LINGO2: variants seen among roughly 807,000 people sequenced by gnomAD.
LINGO2 encodes the protein leucine rich repeat and Ig domain containing 2, also known as leucine-rich repeat and immunoglobulin-like domain-containing nogo receptor-interacting protein 2.
A neutral mutation model predicts 30.6 loss-of-function variants in LINGO2; 14 were observed. The observed-to-expected ratio is 0.46, with a 90% confidence interval of 0.30 to 0.72. The LOEUF (loss-of-function observed/expected upper bound fraction) is 0.72, where lower values mean the gene tolerates loss of function less well. LINGO2 is among the 30% of genes least tolerant of loss of function. The pLI, the probability that LINGO2 is intolerant of heterozygous loss-of-function variation, is 0.07. For synonymous variants in LINGO2, 317 were observed against 288.5 expected, an observed-to-expected ratio of 1.10 and a Z score of -1.00; for missense variants, 729 against 751.7, an observed-to-expected ratio of 0.97 and a Z score of 0.35.
At chr9:28,785,685 C>A in the LINGO2 span, among the ~76,000 whole-genome samples, 2 of 60,950 alleles carry the variant, frequency 3.3e-5, no homozygotes, top group African/African-American at 9.7e-5. Context: ...CACACACACA[C>A]GCACACACAC....
intron 3 of LINGO2, among the ~76,000 whole-genome samples, chr9:28,345,446 A>AC (rs1461035414): frequency 6.6e-6 from 1 of 152,090 alleles, no homozygotes; most frequent in Non-Finnish European, 1.5e-5. Context: ...CGCCAGAATG[A>AC]CCTCTCAAAT....
At chr9:29,081,298 A>C in the LINGO2 span, among the ~76,000 whole-genome samples, 2 of 152,128 alleles carry the variant, frequency 1.3e-5, no homozygotes, top group African/African-American at 4.8e-5. Context: ...AATAAACGTA[A>C]TCCAGCATAT....
chr9:28,116,830 A>C (rs1175237234), intron 4 of LINGO2, among the ~76,000 whole-genome samples: 1 of 22,700 alleles, frequency 4.4e-5, no homozygotes, highest in Non-Finnish European at 1.0e-4. Flanking sequence ...TTTTTTTCAA[A>C]GTTTTCAACT....
chr9:28,689,780 T>C, the LINGO2 span, among the ~76,000 whole-genome samples: 1 of 152,122 alleles, frequency 6.6e-6, no homozygotes, highest in East Asian at 1.9e-4. Flanking sequence ...ATACACTGCA[T>C]ACACTGCATA....
chr9:28,502,157 C>CACACAT (rs1819917011), intron 1 of LINGO2, among the ~76,000 whole-genome samples: 1 of 149,716 alleles, frequency 6.7e-6, no homozygotes, highest in Non-Finnish European at 1.5e-5. Context: ...CACACACACA[C>CACACAT]ACACATACAC....
At chr9:29,205,808 T>G in the LINGO2 span, among the ~76,000 whole-genome samples, 2 of 152,234 alleles carry the variant, frequency 1.3e-5, no homozygotes, top group Non-Finnish European at 2.9e-5. Flanking sequence ...AATTTACAGA[T>G]TTGTGCAACC....
At chr9:28,202,410 C>CA (rs1325289453) in intron 4 of LINGO2, among the ~76,000 whole-genome samples, 2 of 151,988 alleles carry the variant, frequency 1.3e-5, no homozygotes, top group African/African-American at 2.4e-5. Context: ...CTTTGAAAAC[C>CA]ACTGAAAAGA....
intron 4 of LINGO2, among the ~76,000 whole-genome samples, chr9:28,199,195 T>TC (rs1820126114): frequency 6.6e-6 from 1 of 152,184 alleles, no homozygotes; most frequent in Non-Finnish European, 1.5e-5. Context: ...TCCCATTGCC[T>TC]CCTTAGCACA....
At chr9:28,224,259 T>C (rs1821069675) in intron 4 of LINGO2, among the ~76,000 whole-genome samples, 1 of 152,028 alleles carries the variant, frequency 6.6e-6, no homozygotes, top group Admixed American at 6.5e-5. Flanking sequence ...AGAGACGGGG[T>C]TTCACCGTGT....
At chr9:28,059,187 A>C (rs1330901354) in intron 4 of LINGO2, among the ~76,000 whole-genome samples, 1 of 152,178 alleles carries the variant, frequency 6.6e-6, no homozygotes, top group East Asian at 1.9e-4. Context: ...CCATTATCTC[A>C]AATAGCAGAA....
At chr9:28,106,673 AG>A (rs1826603736) in intron 4 of LINGO2, among the ~76,000 whole-genome samples, 1 of 152,082 alleles carries the variant, frequency 6.6e-6, no homozygotes, top group African/African-American at 2.4e-5. Flanking sequence ...TTTCTTGCCC[AG>A]AAGTACCACA....
the LINGO2 span, among the ~76,000 whole-genome samples, chr9:28,721,248 T>A: frequency 6.6e-6 from 1 of 152,156 alleles, no homozygotes; most frequent in African/African-American, 2.4e-5. Flanking sequence ...GAAGACAGTG[T>A]GGCAATTCCT....
chr9:29,192,741 T>A, the LINGO2 span, among the ~76,000 whole-genome samples: 1 of 152,160 alleles, frequency 6.6e-6, no homozygotes, highest in Non-Finnish European at 1.5e-5. Flanking sequence ...CAGGCCTCCT[T>A]TTATAAAAAC....
the LINGO2 span, among the ~76,000 whole-genome samples, chr9:29,051,598 T>C: frequency 6.6e-6 from 1 of 152,192 alleles, no homozygotes; most frequent in Non-Finnish European, 1.5e-5. Context: ...TGGGACATCA[T>C]TAATCTCATA....
the LINGO2 span, among the ~76,000 whole-genome samples, chr9:28,921,362 G>C: frequency 6.6e-6 from 1 of 151,750 alleles, no homozygotes; most frequent in African/African-American, 2.4e-5. Context: ...CCCCACCCCA[G>C]AGGCAATAAT....
At chr9:28,924,243 CAG>C in the LINGO2 span, among the ~76,000 whole-genome samples, 1 of 152,044 alleles carries the variant, frequency 6.6e-6, no homozygotes, top group Non-Finnish European at 1.5e-5. Context: ...TTCTTTGAGA[CAG>C]AGTCTCACTC....
the LINGO2 span, among the ~76,000 whole-genome samples, chr9:28,783,550 T>C: frequency 8.9e-3 from 1,356 of 152,234 alleles, 15 homozygotes; most frequent in African/African-American, 0.031. Context: ...AGCAGACAAT[T>C]GCTAAAAATA....
Position 28,033,596 on chromosome 9 carries a change from G to C in LINGO2, c.-86-21191C>G, listed in dbSNP as rs891304819. 6.6e-5 allele frequency among the ~76,000 whole-genome samples: 10 copies of C among 152,164 alleles called. No individual in the cohort carries two copies. The South Asian group carries it at 8.3e-4, about 13-fold the overall frequency. On this transcript the variant is annotated intron_variant, in intron 4 of 5. Coordinates refer to ENST00000379992, the Ensembl canonical transcript of LINGO2. ...TTAGGTAATTTCATCATGGACTGATGCTTTCTCTCCTAGTTTTTTTATATT... is the reference window on the plus strand; with the variant it reads ...TTAGGTAATTTCATCATGGACTGATCCTTTCTCTCCTAGTTTTTTTATATT...
At chr9:28,838,634 C>T in the LINGO2 span, among the ~76,000 whole-genome samples, 2 of 152,180 alleles carry the variant, frequency 1.3e-5, no homozygotes, top group African/African-American at 4.8e-5. Context: ...CTCTTTCTCT[C>T]ATTCTCCTAT....
Sources: gnomAD v4.1 joint callset for allele counts (sites outside exome capture counted in the v4.1 genomes callset) on GRCh38, gnomAD v4.1.1 for gene constraint, MANE v1.5 for transcripts, NCBI Gene and HGNC (gene_info 2026-07-23, HGNC 2026-07-21) for gene names.